PITRM1: variants seen among roughly 807,000 people sequenced by gnomAD.
PITRM1 encodes the protein presequence protease, mitochondrial.
Under a neutral mutation model 129.9 loss-of-function variants are expected in PITRM1, and 100 were observed. The observed-to-expected ratio is 0.77, with a 90% CI of 0.65 to 0.91. The LOEUF (loss-of-function observed/expected upper bound fraction) is 0.91. Among genes scored for constraint, PITRM1 ranks in the 40% least tolerant of loss-of-function variants. The probability of loss-of-function intolerance (pLI) is 0.00; values close to 1 mark genes in which losing one functional copy is unlikely to be tolerated. For missense variants in PITRM1, 1,471 were observed against 1,318.3 expected, an observed-to-expected ratio of 1.12 and a Z score of -1.79; for synonymous variants, 591 against 508.8, an observed-to-expected ratio of 1.16 and a Z score of -2.17.
In PITRM1 at chr10:3,143,463, G is replaced by A. The variant is rs746190050; in HGVS notation, c.2571C>T (p.Phe857=). 1.9e-6 allele frequency: 3 copies of A among 1,613,654 alleles called. No homozygotes were observed. Among genetic ancestry groups the A allele is most frequent in the Non-Finnish European group, 2.5e-6 (3 of 1,179,686 alleles). The change falls in exon 23 of 27, where the codon TTC becomes TTT. Residue 857 remains phenylalanine (F), a synonymous_variant. Coordinates refer to ENST00000224949, the MANE Select transcript of PITRM1 (RefSeq NM_014889.4). Reference sequence around the variant, plus strand: ...CGTAATTCACCGGGAAGGGCATCAGGAAGTGAGTCTTCATCTGCCAGGGCT... The same window carrying A: ...CGTAATTCACCGGGAAGGGCATCAGAAAGTGAGTCTTCATCTGCCAGGGCT... ...TFKPWQMKTH[F]LMPFPVNYVG...
chr10:3,140,225 C>T (rs563053785), intron 24 of PITRM1, among the ~76,000 whole-genome samples: 2 of 152,278 alleles, frequency 1.3e-5, no homozygotes, highest in African/African-American at 2.4e-5. Flanking sequence ...ATACCCACAG[C>T]GTATCTGATA....
chr10:3,166,951 G>A lies in PITRM1; in HGVS notation c.251C>T (p.Thr84Met), dbSNP rs545460769. ...ARYLHLARED[T>M]NNLFSVQFRT... ...CACCACACACCTGAACAGATTATTCGTGTCTTCTCTGGCCAGGTGTAAATA... is the reference window on the plus strand; with the variant it reads ...CACCACACACCTGAACAGATTATTCATGTCTTCTCTGGCCAGGTGTAAATA... The change falls in exon 3 of 27, where the codon ACG (threonine) becomes ATG (methionine). Residue 84 changes from threonine (T) to methionine (M), a missense_variant. By Grantham distance (81) the Thr-to-Met change is moderately conservative (BLOSUM62 -1). Coordinates refer to ENST00000224949, the MANE Select transcript of PITRM1 (RefSeq NM_014889.4). 402 of 1,598,382 alleles carry A rather than the reference G, an allele frequency of 2.5e-4. 9 individuals carry two copies. In the South Asian group the frequency reaches 4.3e-3, roughly 17 times the overall value.
intron 1 of PITRM1, among the ~76,000 whole-genome samples, chr10:3,171,267 T>C (rs953245491): frequency 4.1e-5 from 6 of 146,766 alleles, no homozygotes; most frequent in African/African-American, 1.5e-4. Flanking sequence ...CATGATACAG[T>C]ATTATCCTAA....
intron 7 of PITRM1, 141 bp from the exon 8 acceptor site, chr10:3,160,471 C>G: frequency 1.5e-6 from 1 of 652,774 alleles, no homozygotes; most frequent in South Asian, 1.9e-5. Flanking sequence ...CTTACTCAAC[C>G]AAGGTCCAAA....
Position 3,147,675 on chromosome 10 carries a change from G to C in PITRM1, c.2132C>G (p.Ala711Gly). The change falls in exon 19 of 27, where the codon GCC becomes GGC. Residue 711 changes from alanine to glycine, a missense_variant. Coordinates refer to ENST00000224949, the MANE Select transcript of PITRM1 (RefSeq NM_014889.4). ...GTGCCCAGAGTCAGGAATTCCATTGGCGAGCTCCTGGGCGGTCATCTTCAC... is the reference window on the plus strand; with the variant it reads ...GTGCCCAGAGTCAGGAATTCCATTGCCGAGCTCCTGGGCGGTCATCTTCAC... The part of the protein sequence containing the change: ...VLVKMTAQEL[A>G]NGIPDSGHLY... 6.2e-7 allele frequency: 1 copy of C among 1,613,640 alleles called. No individual in the cohort carries two copies. The highest frequency in any genetic ancestry group is 1.1e-5 in the South Asian group (1 of 91,032).
At chr10:3,145,872 C>A (rs1840807147) in intron 20 of PITRM1, 156 bp from the exon 21 acceptor site, 17 of 634,734 alleles carry the variant, frequency 2.7e-5, no homozygotes, top group Middle Eastern at 4.4e-4. Context: ...GGCCGCCTCC[C>A]TGCTCTTCAG....
At chr10:3,168,640 C>T (rs186699518) in intron 2 of PITRM1, among the ~76,000 whole-genome samples, 15 of 152,192 alleles carry the variant, frequency 9.9e-5, no homozygotes, top group African/African-American at 2.2e-4. Flanking sequence ...TGAGAGCTGA[C>T]GGTTTTATAA....
rs1588736135 is a variant in PITRM1, at chr10:3,171,146, T to TAAAAAAAAAAAAAAAAAAAAAAAAAAAAA, written c.57-941_57-940insTTTTTTTTTTTTTTTTTTTTTTTTTTTTT. ...GATAAAGTGCGGACTAATCGTTCAA[T>TAAAAAAAAAAAAAAAAAAAAAAAAAAAAA]TAAAAAAAAAAAAAAAAAAAAAAAA... On this transcript the variant is annotated intron_variant, in intron 1 of 26. Coordinates refer to ENST00000224949, the MANE Select transcript of PITRM1 (RefSeq NM_014889.4). Among the ~76,000 whole-genome samples the TAAAAAAAAAAAAAAAAAAAAAAAAAAAAA allele has an allele frequency of 9.1e-4, 33 of 36,240 alleles. 11 individuals are homozygous for TAAAAAAAAAAAAAAAAAAAAAAAAAAAAA. The highest frequency in any genetic ancestry group is 2.7e-3 in the South Asian group (2 of 744). The allele number at this position is 36,240 out of a possible 152,430, so 23.8% of individuals were successfully genotyped here.
In PITRM1 at chr10:3,145,291, G is replaced by A. The variant is rs45444194; in HGVS notation, c.2457+305C>T. On this transcript the variant is annotated intron_variant, in intron 21 of 26. Coordinates refer to ENST00000224949, the MANE Select transcript of PITRM1 (RefSeq NM_014889.4). The stretch of plus-strand genomic sequence containing the variant: ...AGCAGTGAACAGCCTTCAGGCTACG[G>A]TTTGGGCCATTCCTCTGCCAGCGTA... 2,728 of 347,956 alleles carry A rather than the reference G, an allele frequency of 7.8e-3. 23 individuals are homozygous for A. Among genetic ancestry groups the A allele is most frequent in the Non-Finnish European group, 0.01 (1,907 of 190,550 alleles). 21.6% of individuals were successfully genotyped at this position (347,956 alleles called of 1,614,324 possible).
chr10:3,147,551 G>A (rs1841020624), intron 19 of PITRM1, 21 bp downstream of exon 19: 1 of 1,612,034 alleles, frequency 6.2e-7, no homozygotes, highest in Non-Finnish European at 8.5e-7. Flanking sequence ...GAGTAATAGA[G>A]GTTCCTTCCA....
At chr10:3,143,548 C>T in intron 22 of PITRM1, 47 bp from the exon 23 acceptor site, 1 of 1,316,380 alleles carries the variant, frequency 7.6e-7, no homozygotes, top group Non-Finnish European at 1.1e-6. Context: ...CCATGCACCG[C>T]CCACGGCACT....
chr10:3,153,639 A>C (rs1246225742), intron 14 of PITRM1, among the ~76,000 whole-genome samples: 1 of 151,954 alleles, frequency 6.6e-6, no homozygotes, highest in Non-Finnish European at 1.5e-5. Flanking sequence ...CCAAAAAAAC[A>C]ACAAAAAAAA....
In PITRM1 at chr10:3,159,919, T is replaced by C. The variant is rs779519933; in HGVS notation, c.936A>G (p.Thr312=). Residue 312 remains threonine, a synonymous_variant, in exon 9 of 27, where the codon ACA becomes ACG. Transcript: ENST00000224949. Reference sequence around the variant, plus strand: ...CTGTAGCAAATGAATCCGGGCCACATGTTATCTGGAATTCCCTCTGTAAAA... The same window carrying C: ...CTGTAGCAAATGAATCCGGGCCACACGTTATCTGGAATTCCCTCTGTAAAA... ...PWDKPREFQI[T]CGPDSFATDP... 2.5e-6 allele frequency: 4 copies of C among 1,600,730 alleles called. No homozygotes were observed. The South Asian group carries it at 4.5e-5, about 18-fold the overall frequency.
intron 2 of PITRM1, among the ~76,000 whole-genome samples, chr10:3,168,914 CTACA>C (rs1179574575): frequency 3.5e-4 from 48 of 137,548 alleles, no homozygotes; most frequent in African/African-American, 1.2e-3. Context: ...AAGTTTCCAT[CTACA>C]CACACACACA....
intron 6 of PITRM1, among the ~76,000 whole-genome samples, chr10:3,164,531 T>C (rs1444573553): frequency 6.6e-6 from 1 of 152,188 alleles, no homozygotes; most frequent in Non-Finnish European, 1.5e-5. Flanking sequence ...GACCTTGAGC[T>C]GTAGGACATA....
chr10:3,159,208 A>AT (rs1278961942), intron 9 of PITRM1, among the ~76,000 whole-genome samples, 166 bp from the exon 10 acceptor site: 6 of 152,214 alleles, frequency 3.9e-5, no homozygotes, highest in Admixed American at 3.9e-4. Flanking sequence ...AAATACCGGG[A>AT]TTTTTGAAGG....
chr10:3,151,088 A>T, intron 15 of PITRM1, 159 bp downstream of exon 15: 1 of 619,726 alleles, frequency 1.6e-6, no homozygotes, highest in South Asian at 1.8e-5. Flanking sequence ...GTTAAGAACA[A>T]GGCAGAAGAA....
Position 3,165,479 on chromosome 10 carries a change from A to C in PITRM1, c.467T>G (p.Phe156Cys). 1 of 1,613,614 alleles carries C rather than the reference A, an allele frequency of 6.2e-7. No homozygotes were observed. The highest frequency in any genetic ancestry group is 8.5e-7 in the Non-Finnish European group (1 of 1,179,646). The change falls in exon 5 of 27, where the codon TTT becomes TGT. Residue 156 changes from phenylalanine (F) to cysteine (C), a missense_variant. Transcript: ENST00000224949. Reference sequence around the variant, plus strand: ...CAAATACACCGAGAGGAGATTCTGAAAGTCCTTGGGATTTTGTGTGGAAAA... The same window carrying C: ...CAAATACACCGAGAGGAGATTCTGACAGTCCTTGGGATTTTGTGTGGAAAA... ...YPFSTQNPKD[F>C]QNLLSVYLDA...
At position 3,165,279 on chromosome 10, in the gene PITRM1, C is replaced by T; in HGVS notation, c.589G>A (p.Val197Ile). 2.5e-6 allele frequency: 4 copies of T among 1,585,068 alleles called. No homozygotes were observed. Among genetic ancestry groups the T allele is most frequent in the Non-Finnish European group, 3.4e-6 (4 of 1,165,850 alleles). ...TCATTAAAGACGACTCCTTTAAAGA[C>T]CAAGGGCGTCTGGGGGTCGCTCGGA... The part of the protein sequence containing the change: ...ENPSDPQTPL[V>I]FKGVVFNEMK... The change falls in exon 6 of 27, where the codon GTC becomes ATC. Residue 197 changes from valine (V) to isoleucine (I), a missense_variant. By Grantham distance (29) the Val-to-Ile change is conservative. Coordinates refer to ENST00000224949, the MANE Select transcript of PITRM1 (RefSeq NM_014889.4).
Sources: allele counts gnomAD v4.1 joint callset (sites outside exome capture counted in the v4.1 genomes callset), GRCh38; gene constraint gnomAD v4.1.1; transcripts MANE v1.5; gene names NCBI Gene and HGNC (gene_info 2026-07-23, HGNC 2026-07-21).